Variants in PDGFD observed in about 807,000 individuals in gnomAD.
PDGFD encodes the protein platelet-derived growth factor D.
Under a neutral mutation model 44.7 loss-of-function variants are expected in PDGFD, and 30 were observed. That is an observed-to-expected ratio of 0.67 (90% confidence interval 0.50 to 0.91). The LOEUF is 0.91. PDGFD is among the 40% of genes least tolerant of loss of function. The pLI is 0.00. For synonymous variants in PDGFD, 173 were observed against 168.4 expected, an observed-to-expected ratio of 1.03 and a Z score of -0.21; for missense variants, 445 against 457.8, an observed-to-expected ratio of 0.97 and a Z score of 0.25.
intron 1 of PDGFD, among the ~76,000 whole-genome samples, chr11:104,056,385 TG>T (rs1860617080): frequency 6.6e-6 from 1 of 151,926 alleles, no homozygotes; most frequent in Non-Finnish European, 1.5e-5. Context: ...TATTTGGAAA[TG>T]GGGTTTCTGC....
In PDGFD at chr11:103,979,939, G is replaced by A. The variant is rs561592796; in HGVS notation, c.510+16126C>T. ...TCAAATCAAAATTAGGCACTGGCCC[G>A]CAATCTTAAATTAGAGCTCTGCCTT... On this transcript the variant is annotated intron_variant, in intron 3 of 6. Coordinates refer to ENST00000393158, the MANE Select transcript of PDGFD (RefSeq NM_025208.5). 5.3e-5 allele frequency among the ~76,000 whole-genome samples: 8 copies of A among 152,138 alleles called. No homozygotes were observed. In the South Asian group the frequency reaches 1.2e-3, roughly 24 times the overall value.
In PDGFD at chr11:104,109,347, C is replaced by A. The variant is rs372549575; in HGVS notation, c.124+54457G>T. On this transcript the variant is annotated intron_variant, in intron 1 of 6. Transcript: ENST00000393158. ...TTACTTTTCTAAGCCTCAGTCTCTT[C>A]ATCCATAAGTTAGGCACAATAATAG... Among the ~76,000 whole-genome samples, 6 of 152,240 alleles carry A rather than the reference C, an allele frequency of 3.9e-5. No homozygotes were observed. In the East Asian group the frequency reaches 1.2e-3, roughly 29 times the overall value.
At chr11:104,037,512 G>A (rs1475544688) in intron 1 of PDGFD, 4 of 1,613,962 alleles carry the variant, frequency 2.5e-6, no homozygotes, top group Admixed American at 1.7e-5. Context: ...TGAATATAGC[G>A]ATAGAAGAGG....
intron 1 of PDGFD, among the ~76,000 whole-genome samples, chr11:104,013,554 T>C (rs1462348981): frequency 1.3e-5 from 2 of 152,062 alleles, no homozygotes; most frequent in Non-Finnish European, 2.9e-5. Context: ...TACAGGACTG[T>C]TGCAAGTCCT....
At chr11:103,973,093 T>C (rs998290271) in intron 3 of PDGFD, among the ~76,000 whole-genome samples, 1 of 151,630 alleles carries the variant, frequency 6.6e-6, no homozygotes, top group Admixed American at 6.6e-5. Context: ...AAAAGATGCA[T>C]AGTATAAGAA....
chr11:103,957,447 C>T lies in PDGFD; in HGVS notation c.511-9723G>A, dbSNP rs549170367. ...CAAAAGAACAAAGCTGGAGGCATCA[C>T]GCTACCTGACTTCAAACTATACTAC... On this transcript the variant is annotated intron_variant, in intron 3 of 6. Coordinates refer to ENST00000393158, the MANE Select transcript of PDGFD (RefSeq NM_025208.5). Among the ~76,000 whole-genome samples, 32 of 152,236 alleles carry T rather than the reference C, an allele frequency of 2.1e-4. No homozygotes were observed. In the South Asian group the frequency reaches 6.2e-3, roughly 30 times the overall value.
chr11:103,990,410 T>C (rs768509701), intron 3 of PDGFD, among the ~76,000 whole-genome samples: 5 of 152,252 alleles, frequency 3.3e-5, no homozygotes, highest in Non-Finnish European at 5.9e-5. Context: ...ATGGGCTCCA[T>C]ACTAGTCACT....
intron 1 of PDGFD, among the ~76,000 whole-genome samples, chr11:104,117,395 G>C (rs1389148752): frequency 6.6e-6 from 1 of 151,988 alleles, no homozygotes. Flanking sequence ...AATCAGACAA[G>C]AGAAAGAAAT....
chr11:104,044,488 G>A (rs959358913), intron 1 of PDGFD, among the ~76,000 whole-genome samples: 1 of 152,066 alleles, frequency 6.6e-6, no homozygotes, highest in African/African-American at 2.4e-5. Flanking sequence ...ATAAAAAAAG[G>A]TAAAAGTAAA....
In PDGFD at chr11:104,028,625, G is replaced by A. The variant is rs140434355; in HGVS notation, c.125-28370C>T. Among the ~76,000 whole-genome samples, 983 of 150,326 alleles carry A rather than the reference G, an allele frequency of 6.5e-3. 5 individuals are homozygous for A. The highest frequency in any genetic ancestry group is 9.1e-3 in the Non-Finnish European group (615 of 67,774). Reference sequence around the variant, plus strand: ...CATTTGTGTAAACAGTAATTTACAAGTTATCCTTGGAACACTGGGTTTCTT... The same window carrying A: ...CATTTGTGTAAACAGTAATTTACAAATTATCCTTGGAACACTGGGTTTCTT... On this transcript the variant is annotated intron_variant, in intron 1 of 6. Transcript: ENST00000393158.
At chr11:104,037,896 T>A (rs1860279779) in intron 1 of PDGFD, 2 of 1,614,072 alleles carry the variant, frequency 1.2e-6, no homozygotes, top group African/African-American at 2.7e-5. Flanking sequence ...GCACGCAGAC[T>A]TATTTTCTTC....
chr11:104,136,942 C>A (rs924267997), intron 1 of PDGFD, among the ~76,000 whole-genome samples: 1 of 152,174 alleles, frequency 6.6e-6, no homozygotes, highest in Non-Finnish European at 1.5e-5. Flanking sequence ...CTAGAAGGGT[C>A]TTTAGAATGT....
intron 1 of PDGFD, among the ~76,000 whole-genome samples, chr11:104,128,410 C>T (rs1189836654): frequency 2.0e-5 from 3 of 152,106 alleles, no homozygotes; most frequent in Non-Finnish European, 4.4e-5. Flanking sequence ...GCTAGTGGTA[C>T]CCTCCATTCA....
chr11:103,976,547 C>A lies in PDGFD; in HGVS notation c.510+19518G>T, dbSNP rs377397950. 2.4e-3 allele frequency among the ~76,000 whole-genome samples: 363 copies of A among 152,208 alleles called. 2 individuals are homozygous for A. Among genetic ancestry groups the A allele is most frequent in the African/African-American group, 8.3e-3 (344 of 41,528 alleles). Reference sequence around the variant, plus strand: ...CTTTCTCTTGCCTGATTGCCCTGGCCAGAACTTCCAATAGTATGTTGAACA... The same window carrying A: ...CTTTCTCTTGCCTGATTGCCCTGGCAAGAACTTCCAATAGTATGTTGAACA... On this transcript the variant is annotated intron_variant, in intron 3 of 6. Transcript: ENST00000393158.
chr11:103,922,548 T>TCCC (rs35557831), intron 6 of PDGFD, among the ~76,000 whole-genome samples: 1 of 150,832 alleles, frequency 6.6e-6, no homozygotes, highest in South Asian at 2.1e-4. Flanking sequence ...AAAGAAGAAT[T>TCCC]CCCCCCCGCC....
intron 1 of PDGFD, among the ~76,000 whole-genome samples, chr11:104,145,901 G>A (rs745998296): frequency 6.6e-6 from 1 of 152,120 alleles, no homozygotes; most frequent in East Asian, 1.9e-4. Context: ...TTCCACATAC[G>A]CAAGGAGGAA....
At chr11:104,105,627 G>A (rs1003622205) in intron 1 of PDGFD, among the ~76,000 whole-genome samples, 1 of 151,678 alleles carries the variant, frequency 6.6e-6, no homozygotes, top group East Asian at 1.9e-4. Flanking sequence ...CATTTTTCTC[G>A]GTGTGGAGTT....
intron 1 of PDGFD, among the ~76,000 whole-genome samples, chr11:104,120,376 T>C (rs1220764563): frequency 6.6e-6 from 1 of 151,920 alleles, no homozygotes; most frequent in African/African-American, 2.4e-5. Context: ...AAATCCTAGT[T>C]TAAAATTCCT....
intron 1 of PDGFD, among the ~76,000 whole-genome samples, chr11:104,066,640 T>A (rs1860794555): frequency 6.6e-6 from 1 of 152,130 alleles, no homozygotes; most frequent in African/African-American, 2.4e-5. Context: ...CTGTTATAAT[T>A]TTAAGAATTT....
Sources: allele counts gnomAD v4.1 joint callset (sites outside exome capture counted in the v4.1 genomes callset), GRCh38; gene constraint gnomAD v4.1.1; transcripts MANE v1.5; gene names NCBI Gene and HGNC (gene_info 2026-07-23, HGNC 2026-07-21).